TERF2: variants seen among roughly 807,000 people sequenced by gnomAD.
TERF2 encodes telomeric repeat-binding factor 2.
TERF2 carries 16 observed loss-of-function variants against 56.1 expected under a neutral mutation model. That is an observed-to-expected ratio of 0.29 (90% CI 0.19 to 0.43). The LOEUF is 0.43. Ranked by LOEUF, TERF2 falls within the 20% of genes least tolerant of loss-of-function variation. TERF2 has a pLI of 1.00. For synonymous variants in TERF2, 296 were observed against 282.1 expected (o/e 1.05, Z -0.50); for missense variants, 547 against 712.9 (o/e 0.77, Z 2.65).
intron 3 of TERF2, among the ~76,000 whole-genome samples, chr16:69,383,438 AAAGATCCTT>A (rs2014076450): frequency 6.6e-6 from 1 of 152,214 alleles, no homozygotes; most frequent in African/African-American, 2.4e-5. Context: ...TACCCATTCA[AAAGATCCTT>A]AACAGTTCTG....
At chr16:69,368,031 C>A (rs556810461) in intron 6 of TERF2, among the ~76,000 whole-genome samples, 3 of 152,170 alleles carry the variant, frequency 2.0e-5, no homozygotes, top group African/African-American at 7.2e-5. Context: ...GCTTTAGGAA[C>A]TGGTTTTGGG....
chr16:69,356,840 T>G lies in TERF2; in HGVS notation c.*58A>C. 7.0e-7 allele frequency: 1 copy of G among 1,427,804 alleles called. No individual in the cohort carries two copies. Among genetic ancestry groups the G allele is most frequent in the Admixed American group, 2.2e-5 (1 of 44,854 alleles). The allele number at this position is 1,427,804 out of a possible 1,614,324, so 88.4% of individuals were successfully genotyped here. A position where few individuals can be genotyped will look rare whatever the true frequency, so the allele number is the denominator to read the frequency against. On this transcript the variant is annotated 3_prime_UTR_variant, in exon 10 of 10. Transcript: ENST00000254942. ...AGAAAAAGAAAGAAAGAGCAGACTA[T>G]CAGGGGCTATTATTAGGAACCATGC...
In TERF2 at chr16:69,366,650, C is replaced by T. The variant is rs2013355892; in HGVS notation, c.1340+157G>A. The T allele has an allele frequency of 1.2e-5, 12 of 973,210 alleles. 1 individual carries two copies. Among genetic ancestry groups the T allele is most frequent in the South Asian group, 1.9e-5 (1 of 51,928 alleles). The allele number at this position is 973,210 out of a possible 1,614,324, so 60.3% of individuals were successfully genotyped here. ...GCTTCAGAACCGGCAGGGATGGCTACGTCGTCACTGGCCACTCCTGCGTCA... is the reference window on the plus strand; with the variant it reads ...GCTTCAGAACCGGCAGGGATGGCTATGTCGTCACTGGCCACTCCTGCGTCA... On this transcript the variant is annotated intron_variant, in intron 7 of 9. Transcript: ENST00000254942.
chr16:69,361,334 A>C, intron 8 of TERF2, 70 bp downstream of exon 8: 1 of 1,103,016 alleles, frequency 9.1e-7, no homozygotes, highest in South Asian at 1.3e-5. Context: ...CTGGAATATT[A>C]ACATGACAGT....
Position 69,385,616 on chromosome 16 carries a change from C to A in TERF2, c.356G>T (p.Arg119Ile). ...AFRGSRYGDF[R>I]QIRDIMQALL... ...ACCCTGCATGATGTCCCGGATCTGTCTGAAGTCCCCGTACCGGCTACCCCG... is the reference window on the plus strand; with the variant it reads ...ACCCTGCATGATGTCCCGGATCTGTATGAAGTCCCCGTACCGGCTACCCCG... Residue 119 changes from arginine to isoleucine, a missense_variant, in exon 1 of 10, where the codon AGA becomes ATA. Arg to Ile is a moderately conservative substitution (Grantham distance 97). Transcript: ENST00000254942. 1 of 1,568,398 alleles carries A rather than the reference C, an allele frequency of 6.4e-7. No homozygotes were observed.
At chr16:69,385,325 A>C in intron 2 of TERF2, 66 bp downstream of exon 2, 1 of 1,354,196 alleles carries the variant, frequency 7.4e-7, no homozygotes, top group South Asian at 1.2e-5. Context: ...CTTCAGTTCT[A>C]GATATAAGTT....
In TERF2 at chr16:69,376,818, C is replaced by T. The variant is rs1444909478; in HGVS notation, c.607-4463G>A. Among the ~76,000 whole-genome samples the T allele has an allele frequency of 2.0e-5, 3 of 148,470 alleles. No individual in the cohort carries two copies. In the East Asian group the frequency reaches 5.8e-4, roughly 29 times the overall value. On this transcript the variant is annotated intron_variant, in intron 3 of 9. Coordinates refer to ENST00000254942, the MANE Select transcript of TERF2 (RefSeq NM_005652.5). ...AAGGCTGCAGTGAGCCATGATTATGCCACTGCATTCCAGCCCGGGTGACAG... is the reference window on the plus strand; with the variant it reads ...AAGGCTGCAGTGAGCCATGATTATGTCACTGCATTCCAGCCCGGGTGACAG...
chr16:69,377,853 T>G (rs2013850973), intron 3 of TERF2, among the ~76,000 whole-genome samples: 1 of 152,288 alleles, frequency 6.6e-6, no homozygotes, highest in African/African-American at 2.4e-5. Flanking sequence ...TTTTTTTTTT[T>G]GTATACTTCA....
chr16:69,372,953 T>C (rs2013632093), intron 3 of TERF2, among the ~76,000 whole-genome samples: 2 of 152,076 alleles, frequency 1.3e-5, no homozygotes, highest in South Asian at 4.1e-4. Flanking sequence ...AAAGACAGAA[T>C]GGACAGGAGT....
At chr16:69,370,321 G>T in intron 5 of TERF2, 162 bp downstream of exon 5, 1 of 1,001,488 alleles carries the variant, frequency 1.0e-6, no homozygotes, top group Non-Finnish European at 1.4e-6. Context: ...GTGAGCCATT[G>T]CGCCTGGCCT....
intron 8 of TERF2, among the ~76,000 whole-genome samples, chr16:69,359,702 C>G (rs1324461906): frequency 8.3e-6 from 1 of 120,786 alleles, no homozygotes; most frequent in Non-Finnish European, 1.6e-5. Flanking sequence ...CTCACTGCAA[C>G]CTCCGCCTCC....
chr16:69,384,682 G>A lies in TERF2; in HGVS notation c.504C>T (p.Leu168=), dbSNP rs996291216. ...CATTGATAGCTGATTCCAGTGGTGT[G>A]AGCTCAGCCTCCATATCAAAGGAAC... ...LDCSFDMEAE[L]TPLESAINVL... The change falls in exon 3 of 10, where the codon CTC becomes CTT. Residue 168 remains leucine, a synonymous_variant. Transcript: ENST00000254942. 2.0e-5 allele frequency: 32 copies of A among 1,614,060 alleles called. No individual in the cohort carries two copies. Among genetic ancestry groups the A allele is most frequent in the East Asian group, 4.5e-5 (2 of 44,880 alleles).
chr16:69,366,387 G>A, intron 7 of TERF2: 1 of 167,676 alleles, frequency 6.0e-6, no homozygotes, highest in Non-Finnish European at 1.3e-5. Context: ...CACTGAACTT[G>A]CCAAGTCTCA....
rs1567457715 is a variant in TERF2 at position 69,384,614 on chromosome 16, A to G, written c.572T>C (p.Val191Ala). The change falls in exon 3 of 10, where the codon GTG becomes GCG. Residue 191 changes from valine (V) to alanine (A), a missense_variant. By Grantham distance (64) the Val-to-Ala change is moderately conservative (BLOSUM62 0). Around this residue, in one of 6 missense-constraint regions of TERF2, gnomAD observed 97 missense variants for 157.0 expected, o/e 0.62. Transcript: ENST00000254942. ...IKTEFTLTEA[V>A]VESSRKLVKE... ...GACCAGTTTTCTACTGGATTCGACCACTGCTTCTGTCAGTGTAAATTCCGT... is the reference window on the plus strand; with the variant it reads ...GACCAGTTTTCTACTGGATTCGACCGCTGCTTCTGTCAGTGTAAATTCCGT... 1 of 1,614,070 alleles carries G rather than the reference A, an allele frequency of 6.2e-7. No homozygotes were observed. Among genetic ancestry groups the G allele is most frequent in the Non-Finnish European group, 8.5e-7 (1 of 1,179,996 alleles).
chr16:69,378,007 T>A (rs1385996824), intron 3 of TERF2, among the ~76,000 whole-genome samples: 1 of 152,222 alleles, frequency 6.6e-6, no homozygotes, highest in East Asian at 1.9e-4. Context: ...AGCATTCCAA[T>A]TTTTACCATT....
At chr16:69,361,633 A>T in intron 7 of TERF2, 144 bp from the exon 8 acceptor site, 1 of 654,316 alleles carries the variant, frequency 1.5e-6, no homozygotes, top group Non-Finnish European at 2.8e-6. Context: ...GCACCTCCCA[A>T]AGCCACTGTC....
At position 69,385,799 on chromosome 16, in the gene TERF2, C is replaced by A; in HGVS notation, c.173G>T (p.Gly58Val). The A allele has an allele frequency of 7.7e-7, 1 of 1,297,166 alleles. No homozygotes were observed. Among genetic ancestry groups the A allele is most frequent in the South Asian group, 2.4e-5 (1 of 41,200 alleles). 80.4% of individuals were successfully genotyped at this position (1,297,166 alleles called of 1,614,324 possible). Residue 58 changes from glycine to valine, a missense_variant, in exon 1 of 10, where the codon GGC becomes GTC. By Grantham distance (109) the Gly-to-Val change is moderately radical. Around this residue, in one of 6 missense-constraint regions of TERF2, gnomAD observed 120 missense variants for 172.4 expected, o/e 0.70. Coordinates refer to ENST00000254942, the MANE Select transcript of TERF2 (RefSeq NM_005652.5). ...GSSDGSGRAA[G>V]RRASRSSGRA... The stretch of plus-strand genomic sequence containing the variant: ...CCCGCTACTGCGGGACGCCCGCCTG[C>A]CAGCTGCCCGCCCGCTGCCGTCGCT...
chr16:69,383,603 C>T (rs1023185340), intron 3 of TERF2, among the ~76,000 whole-genome samples: 6 of 152,178 alleles, frequency 3.9e-5, no homozygotes, highest in African/African-American at 1.2e-4. Flanking sequence ...ATTTCTTTAC[C>T]AGACCAAAAG....
chr16:69,382,447 C>T (rs543060308), intron 3 of TERF2, among the ~76,000 whole-genome samples: 1 of 152,280 alleles, frequency 6.6e-6, no homozygotes, highest in East Asian at 1.9e-4. Flanking sequence ...ATTGTGGTTG[C>T]CAACCTCAAA....
Sources: allele counts gnomAD v4.1 joint callset (sites outside exome capture counted in the v4.1 genomes callset), GRCh38; gene constraint gnomAD v4.1.1; regional missense constraint gnomAD v4.1.1; transcripts MANE v1.5; gene names NCBI Gene and HGNC (gene_info 2026-07-23, HGNC 2026-07-21).